DENND1A: variants seen among roughly 807,000 people sequenced by gnomAD.
DENND1A encodes the protein DENN domain-containing protein 1A.
In DENND1A, 51 loss-of-function variants were observed where a neutral mutation model predicts 113.7. The observed-to-expected ratio is 0.45, with a 90% confidence interval of 0.36 to 0.57. The LOEUF (loss-of-function observed/expected upper bound fraction) is 0.57, where lower values mean the gene tolerates loss of function less well. Among genes scored for constraint, DENND1A ranks in the 20% least tolerant of loss-of-function variants. The probability of loss-of-function intolerance (pLI) is 0.00; values close to 1 mark genes in which losing one functional copy is unlikely to be tolerated. For synonymous variants in DENND1A, 565 were observed against 570.8 expected (o/e 0.99, Z 0.14); for missense variants, 1,258 against 1,395.9 (o/e 0.90, Z 1.57).
intron 13 of DENND1A, among the ~76,000 whole-genome samples, chr9:123,509,643 AG>A (rs1370523129): frequency 1.3e-5 from 2 of 152,228 alleles, no homozygotes; most frequent in Admixed American, 6.5e-5. Flanking sequence ...CTCAAATTAT[AG>A]AAGAGCCTGA....
chr9:123,653,592 T>C (rs1178267880), intron 8 of DENND1A, among the ~76,000 whole-genome samples: 1 of 152,212 alleles, frequency 6.6e-6, no homozygotes, highest in African/African-American at 2.4e-5. Flanking sequence ...CACAGAGAAG[T>C]TGTGTAATTT....
chr9:123,688,393 C>T (rs957380220), intron 5 of DENND1A, among the ~76,000 whole-genome samples: 11 of 152,188 alleles, frequency 7.2e-5, no homozygotes, highest in Admixed American at 7.2e-4. Flanking sequence ...AGACAGCATT[C>T]ATTCACTCAT....
At chr9:123,395,468 C>CTCTCTCTCTCTGTGTG (rs367751848) in intron 21 of DENND1A, among the ~76,000 whole-genome samples, 5 of 142,890 alleles carry the variant, frequency 3.5e-5, no homozygotes, top group African/African-American at 1.4e-4. Context: ...CTCTCTCTCT[C>CTCTCTCTCTCTGTGTG]TGTGTGTGTG....
intron 13 of DENND1A, among the ~76,000 whole-genome samples, chr9:123,543,522 C>G (rs146060074): frequency 1.5e-4 from 23 of 152,258 alleles, no homozygotes; most frequent in Non-Finnish European, 2.6e-4. Context: ...CCTGTAGAGG[C>G]CAACACAGTC....
rs1025134850 is a variant in DENND1A, at chr9:123,916,084, CTATT to C, written c.17+13801_17+13804del. Among the ~76,000 whole-genome samples, 52 of 152,174 alleles carry C rather than the reference CTATT, an allele frequency of 3.4e-4. 1 individual carries two copies. The highest frequency in any genetic ancestry group is 1.2e-3 in the African/African-American group (49 of 41,538). On this transcript the variant is annotated intron_variant, in intron 1 of 23. Coordinates refer to ENST00000394215, the MANE Select transcript of DENND1A (RefSeq NM_001352964.2). ...AATACAAAAAGGTGCATACACAAGA[CTATT>C]CATTACTGCACCATTTGTAATAATA...
chr9:123,742,773 A>G (rs1311294008), intron 5 of DENND1A, among the ~76,000 whole-genome samples: 1 of 152,230 alleles, frequency 6.6e-6, no homozygotes, highest in Non-Finnish European at 1.5e-5. Flanking sequence ...TTTTACAGAA[A>G]TAAGATAAAA....
chr9:123,476,560 CT>C (rs2049930405), intron 13 of DENND1A, among the ~76,000 whole-genome samples: 1 of 152,064 alleles, frequency 6.6e-6, no homozygotes, highest in Non-Finnish European at 1.5e-5. Context: ...AGAGATTCCC[CT>C]AGGAGGTTCT....
intron 19 of DENND1A, among the ~76,000 whole-genome samples, chr9:123,425,338 A>G (rs749788447): frequency 6.6e-6 from 1 of 152,264 alleles, no homozygotes; most frequent in Non-Finnish European, 1.5e-5. Context: ...TGCCGTTTGT[A>G]GGCTCTGGCC....
At chr9:123,402,824 T>C (rs2043601533) in intron 21 of DENND1A, among the ~76,000 whole-genome samples, 1 of 152,224 alleles carries the variant, frequency 6.6e-6, no homozygotes, top group Non-Finnish European at 1.5e-5. Context: ...TCACTTCATC[T>C]ACCCCACGCC....
rs10986090 is a variant in DENND1A at position 123,704,798 on chromosome 9, A to G, written c.303-28009T>C. Among the ~76,000 whole-genome samples, 966 of 152,318 alleles carry G rather than the reference A, an allele frequency of 6.3e-3. 15 individuals carry two copies. Among genetic ancestry groups the G allele is most frequent in the African/African-American group, 0.022 (919 of 41,580 alleles). On this transcript the variant is annotated intron_variant, in intron 5 of 23. Transcript: ENST00000394215. ...CAGATCTATAAAAGAACCAAATGGAATATCACAAAATGAAAAGATTAGACA... is the reference window on the plus strand; with the variant it reads ...CAGATCTATAAAAGAACCAAATGGAGTATCACAAAATGAAAAGATTAGACA...
rs570964338 is a variant in DENND1A, at chr9:123,498,137, G to A, written c.994-40240C>T. ...AGCCTTGGGTGAAATAGCCACTGGGGAATTCTAATTATAAAGAAGAGTTCT... is the reference window on the plus strand; with the variant it reads ...AGCCTTGGGTGAAATAGCCACTGGGAAATTCTAATTATAAAGAAGAGTTCT... On this transcript the variant is annotated intron_variant, in intron 13 of 23. Transcript: ENST00000394215. Among the ~76,000 whole-genome samples, 7 of 152,220 alleles carry A rather than the reference G, an allele frequency of 4.6e-5. No homozygotes were observed. In the South Asian group the frequency reaches 1.2e-3, roughly 27 times the overall value.
intron 5 of DENND1A, among the ~76,000 whole-genome samples, chr9:123,734,768 G>A (rs2130938902): frequency 6.6e-6 from 1 of 152,254 alleles, no homozygotes; most frequent in South Asian, 2.1e-4. Flanking sequence ...CATATGATGG[G>A]TGTGTATTAC....
At chr9:123,600,512 T>C (rs909496682) in intron 11 of DENND1A, among the ~76,000 whole-genome samples, 3 of 152,194 alleles carry the variant, frequency 2.0e-5, no homozygotes, top group African/African-American at 7.2e-5. Context: ...TGCACATTAG[T>C]AGACCCTCAT....
intron 21 of DENND1A, among the ~76,000 whole-genome samples, chr9:123,389,222 C>T (rs1166917884): frequency 2.0e-5 from 3 of 152,230 alleles, no homozygotes; most frequent in Non-Finnish European, 2.9e-5. Flanking sequence ...CCAGCACTTG[C>T]ACATCAGAAC....
intron 7 of DENND1A, among the ~76,000 whole-genome samples, chr9:123,667,342 T>C (rs974812274): frequency 2.6e-5 from 4 of 151,744 alleles, no homozygotes; most frequent in Non-Finnish European, 4.4e-5. Flanking sequence ...AGGCCAGGAG[T>C]GTTGGCTCAC....
intron 13 of DENND1A, among the ~76,000 whole-genome samples, chr9:123,464,129 T>C (rs2048750291): frequency 6.6e-6 from 1 of 152,136 alleles, no homozygotes; most frequent in Non-Finnish European, 1.5e-5. Context: ...GGAAGATCCA[T>C]CCACACACCC....
chr9:123,666,085 G>A (rs2063480544), intron 8 of DENND1A, among the ~76,000 whole-genome samples: 1 of 152,114 alleles, frequency 6.6e-6, no homozygotes. Context: ...TGCTTAATGA[G>A]TACAGAGTTT....
At chr9:123,917,623 A>G (rs1366445934) in intron 1 of DENND1A, among the ~76,000 whole-genome samples, 1 of 152,126 alleles carries the variant, frequency 6.6e-6, no homozygotes, top group African/African-American at 2.4e-5. Context: ...GGAGAATCCT[A>G]GAAATTATGA....
chr9:123,914,987 C>G (rs553100175), intron 1 of DENND1A, among the ~76,000 whole-genome samples: 1 of 152,162 alleles, frequency 6.6e-6, no homozygotes, highest in East Asian at 1.9e-4. Context: ...TCATCAGTTG[C>G]CAGGTTCTGC....
Sources: gnomAD v4.1 joint callset for allele counts (sites outside exome capture counted in the v4.1 genomes callset) on GRCh38, gnomAD v4.1.1 for gene constraint, MANE v1.5 for transcripts, NCBI Gene and HGNC (gene_info 2026-07-23, HGNC 2026-07-21) for gene names.